SMAD3: variants seen among roughly 807,000 people sequenced by gnomAD.
SMAD3 encodes the protein SMAD family member 3.
Under a neutral mutation model 51.8 loss-of-function variants are expected in SMAD3, and 12 were observed. The ratio of observed to expected loss-of-function variants is 0.23; its 90% CI spans 0.15 to 0.38. SMAD3 has a LOEUF of 0.38. Ranked by LOEUF, SMAD3 falls within the 10% of genes least tolerant of loss-of-function variation. The pLI is 1.00. For missense variants in SMAD3, 294 were observed against 565.6 expected (o/e 0.52, Z 4.87); for synonymous variants, 238 against 227.7 (o/e 1.05, Z -0.41).
At position 67,193,625 on chromosome 15, in the gene SMAD3, T is replaced by A. The variant is rs1035999019; in HGVS notation, c.*3089T>A. The A allele has an allele frequency of 4.3e-5, 10 of 233,218 alleles. No individual in the cohort carries two copies. The highest frequency in any genetic ancestry group is 2.2e-4 in the African/African-American group (10 of 45,208). 14.4% of individuals were successfully genotyped at this position (233,218 alleles called of 1,614,324 possible). A position where few individuals can be genotyped will look rare whatever the true frequency, so the allele number is the denominator to read the frequency against. Reference sequence around the variant, plus strand: ...AGTCAGGAGCAGGGACTTTGACTCTTAGGAAGAGCACACATGAGGGCAAGG... The same window carrying A: ...AGTCAGGAGCAGGGACTTTGACTCTAAGGAAGAGCACACATGAGGGCAAGG... On this transcript the variant is annotated 3_prime_UTR_variant, in exon 9 of 9. Transcript: ENST00000327367.
chr15:67,125,942 A>G lies in SMAD3; in HGVS notation c.207-38953A>G, dbSNP rs543334034. ...CATTCCCACAGGATGGGACAACTGC[A>G]TGGAAACCCACACTCGGGCCTGTGT... On this transcript the variant is annotated intron_variant, in intron 1 of 8. Transcript: ENST00000327367. 5 of 985,550 alleles carry G rather than the reference A, an allele frequency of 5.1e-6. No individual in the cohort carries two copies. In the East Asian group the frequency reaches 3.4e-4, roughly 66 times the overall value. The allele number at this position is 985,550 out of a possible 1,614,324, so 61.1% of individuals were successfully genotyped here. A position where few individuals can be genotyped will look rare whatever the true frequency, so the allele number is the denominator to read the frequency against.
chr15:67,182,950 A>C (rs1171081024), intron 6 of SMAD3, among the ~76,000 whole-genome samples: 4 of 141,320 alleles, frequency 2.8e-5, no homozygotes, highest in Non-Finnish European at 3.0e-5. Context: ...GACAATAGGC[A>C]TATACCACTG....
At chr15:67,176,182 A>C (rs990640927) in intron 5 of SMAD3, among the ~76,000 whole-genome samples, 1 of 152,156 alleles carries the variant, frequency 6.6e-6, no homozygotes, top group South Asian at 2.1e-4. Flanking sequence ...ATCCTCTAGC[A>C]TAGGAGACTC....
intron 1 of SMAD3, among the ~76,000 whole-genome samples, chr15:67,136,608 G>C (rs1343372394): frequency 1.3e-5 from 2 of 152,174 alleles, no homozygotes; most frequent in Non-Finnish European, 2.9e-5. Flanking sequence ...TGGGATTATA[G>C]GCATGAGCCA....
At chr15:67,079,465 A>G (rs1375230689) in intron 1 of SMAD3, among the ~76,000 whole-genome samples, 3 of 152,270 alleles carry the variant, frequency 2.0e-5, no homozygotes, top group South Asian at 2.1e-4. Flanking sequence ...GGTGCCTTGT[A>G]CTAGAAGCTT....
chr15:67,193,103 T>C lies in SMAD3; in HGVS notation c.*2567T>C, dbSNP rs1034151307. ...TTGGGCGTATGTAACATTAGTGTCC[T>C]TCCTTGAAGCCACAAGCTAGTTTTC... On this transcript the variant is annotated 3_prime_UTR_variant, in exon 9 of 9. Transcript: ENST00000327367. 8.6e-6 allele frequency: 2 copies of C among 233,238 alleles called. No individual in the cohort carries two copies. Among genetic ancestry groups the C allele is most frequent in the Non-Finnish European group, 1.7e-5 (2 of 117,986 alleles). The allele number at this position is 233,238 out of a possible 1,614,324, so 14.4% of individuals were successfully genotyped here.
chr15:67,085,169 A>G (rs2140208525), intron 1 of SMAD3, among the ~76,000 whole-genome samples: 1 of 152,294 alleles, frequency 6.6e-6, no homozygotes, highest in South Asian at 2.1e-4. Flanking sequence ...TGGCCTCTGA[A>G]AGCATACGGC....
intron 7 of SMAD3, 159 bp from the exon 8 acceptor site, chr15:67,187,206 C>T (rs1963244512): frequency 2.3e-6 from 2 of 854,086 alleles, no homozygotes; most frequent in Non-Finnish European, 3.9e-6. Flanking sequence ...TTGCATGGTA[C>T]TGAGTGTGGA....
chr15:67,182,998 AAAATATAT>A (rs1481878141), intron 6 of SMAD3, among the ~76,000 whole-genome samples: 13 of 49,074 alleles, frequency 2.6e-4, no homozygotes, highest in East Asian at 1.5e-3. Flanking sequence ...AAAAAAAAAA[AAAATATAT>A]ATATATATAT....
intron 4 of SMAD3, among the ~76,000 whole-genome samples, chr15:67,169,628 T>A (rs760265340): frequency 0.055 from 8,250 of 150,732 alleles, 281 homozygotes; most frequent in Admixed American, 0.094. Flanking sequence ...GCTTATTTTT[T>A]TTTTTTTTTT....
At chr15:67,080,334 T>C (rs1566961341) in intron 1 of SMAD3, among the ~76,000 whole-genome samples, 1 of 152,062 alleles carries the variant, frequency 6.6e-6, no homozygotes, top group African/African-American at 2.4e-5. Flanking sequence ...TTAACTGGAG[T>C]ATGAGTTAGG....
At chr15:67,123,675 C>A (rs1320874640) in intron 1 of SMAD3, among the ~76,000 whole-genome samples, 1 of 152,208 alleles carries the variant, frequency 6.6e-6, no homozygotes, top group Non-Finnish European at 1.5e-5. Context: ...AGACGGGATG[C>A]CCCAAAATTG....
chr15:67,159,401 G>A (rs761355843), intron 1 of SMAD3, among the ~76,000 whole-genome samples: 23 of 152,114 alleles, frequency 1.5e-4, no homozygotes, highest in Non-Finnish European at 2.9e-4. Flanking sequence ...TTAAGACCAA[G>A]ACACTAAGTG....
At chr15:67,137,125 G>A (rs949183999) in intron 1 of SMAD3, among the ~76,000 whole-genome samples, 3 of 152,206 alleles carry the variant, frequency 2.0e-5, no homozygotes, top group Non-Finnish European at 4.4e-5. Context: ...AGTGTAAGAC[G>A]GAGCAGGCTG....
chr15:67,137,875 T>G, intron 1 of SMAD3: 1 of 609,100 alleles, frequency 1.6e-6, no homozygotes. Flanking sequence ...TGTCCTCCCT[T>G]TGGATTTCTT....
intron 5 of SMAD3, among the ~76,000 whole-genome samples, chr15:67,180,779 G>A (rs1370672353): frequency 6.6e-6 from 1 of 151,968 alleles, no homozygotes; most frequent in African/African-American, 2.4e-5. Flanking sequence ...TTACTCTGGG[G>A]ACCTTGCAAC....
intron 1 of SMAD3, among the ~76,000 whole-genome samples, chr15:67,141,258 T>G (rs1240948547): frequency 6.6e-6 from 1 of 152,246 alleles, no homozygotes; most frequent in East Asian, 1.9e-4. Context: ...GCACCTGTTA[T>G]GTTCAACGTA....
chr15:67,117,469 A>G (rs1437840129), intron 1 of SMAD3, among the ~76,000 whole-genome samples: 1 of 152,138 alleles, frequency 6.6e-6, no homozygotes, highest in Non-Finnish European at 1.5e-5. Flanking sequence ...GGTCCCCCCA[A>G]GTTCCAGCCC....
intron 1 of SMAD3, among the ~76,000 whole-genome samples, chr15:67,081,827 A>G (rs1960285884): frequency 6.6e-6 from 1 of 152,186 alleles, no homozygotes; most frequent in African/African-American, 2.4e-5. Context: ...AGTCAATGAC[A>G]GAAATAATGG....
Sources: allele counts gnomAD v4.1 joint callset (sites outside exome capture counted in the v4.1 genomes callset), GRCh38; gene constraint gnomAD v4.1.1; transcripts MANE v1.5; gene names NCBI Gene and HGNC (gene_info 2026-07-23, HGNC 2026-07-21).